CD44: variants seen among roughly 807,000 people sequenced by gnomAD.
CD44 encodes CD44 molecule (IN blood group).
Under a neutral mutation model 88.8 loss-of-function variants are expected in CD44, and 49 were observed. The ratio of observed to expected loss-of-function variants is 0.55; its 90% CI spans 0.44 to 0.70. The LOEUF is 0.70. Ranked by LOEUF, CD44 falls within the 30% of genes least tolerant of loss-of-function variation. The pLI is 0.00. For synonymous variants in CD44, 325 were observed against 312.3 expected (o/e 1.04, Z -0.43); for missense variants, 883 against 913.8 (o/e 0.97, Z 0.43).
intron 1 of CD44, among the ~76,000 whole-genome samples, chr11:35,161,608 T>C (rs534306199): frequency 8.5e-5 from 13 of 152,320 alleles, no homozygotes; most frequent in South Asian, 2.1e-4. Context: ...GAATTTTTTC[T>C]GGTCAAGACT....
chr11:35,184,488 C>G (rs950366721), intron 3 of CD44, among the ~76,000 whole-genome samples: 11 of 152,176 alleles, frequency 7.2e-5, no homozygotes, highest in African/African-American at 2.7e-4. Flanking sequence ...AGAAGCATCT[C>G]ATAGGTTGCG....
intron 1 of CD44, among the ~76,000 whole-genome samples, chr11:35,157,345 A>G (rs576095403): frequency 6.6e-6 from 1 of 151,560 alleles, no homozygotes. Context: ...CTATCTATCT[A>G]TCTATCTATC....
At chr11:35,224,224 T>A (rs557234882) in intron 17 of CD44, among the ~76,000 whole-genome samples, 1 of 152,336 alleles carries the variant, frequency 6.6e-6, no homozygotes, top group African/African-American at 2.4e-5. Flanking sequence ...GTCTTAAAGA[T>A]GCTGGGTTGG....
rs1361505818 is a variant in CD44 at position 35,229,843 on chromosome 11, G to C, written c.*510G>C. On this transcript the variant is annotated 3_prime_UTR_variant, in exon 18 of 18. Transcript: ENST00000428726. ...ACAGACCCCCTCTAGAAATTTTTCA[G>C]ATGCTTCTGGGAGACACCCAAAGGG... is the stretch of plus-strand genomic sequence containing the variant. 6.3e-6 allele frequency: 1 copy of C among 159,018 alleles called. No homozygotes were observed. Among genetic ancestry groups the C allele is most frequent in the East Asian group, 1.8e-4 (1 of 5,462 alleles). The allele number at this position is 159,018 out of a possible 1,614,324, so 9.9% of individuals were successfully genotyped here.
chr11:35,174,367 C>T (rs925462428), intron 1 of CD44, among the ~76,000 whole-genome samples: 1 of 152,116 alleles, frequency 6.6e-6, no homozygotes, highest in Non-Finnish European at 1.5e-5. Context: ...TGGTGCCTGG[C>T]CAGGCACTTG....
chr11:35,186,754 C>G lies in CD44; in HGVS notation c.368-78C>G. 9.6e-6 allele frequency: 8 copies of G among 832,754 alleles called. No individual in the cohort carries two copies. The South Asian group carries it at 1.1e-4, about 11-fold the overall frequency. 51.6% of individuals were successfully genotyped at this position (832,754 alleles called of 1,614,324 possible). A position where few individuals can be genotyped will look rare whatever the true frequency, so the allele number is the denominator to read the frequency against. ...GAATAAGTTATAGTAAAACTCCATTCTAACTGACTAATAAAAATGAGGGTA... is the reference window on the plus strand; with the variant it reads ...GAATAAGTTATAGTAAAACTCCATTGTAACTGACTAATAAAAATGAGGGTA... On this transcript the variant is annotated intron_variant, in intron 3 of 17. Coordinates refer to ENST00000428726, the MANE Select transcript of CD44 (RefSeq NM_000610.4).
intron 1 of CD44, among the ~76,000 whole-genome samples, chr11:35,157,091 G>A (rs12280381): frequency 0.11 from 16,919 of 152,176 alleles, 1,150 homozygotes; most frequent in African/African-American, 0.18. Context: ...AACCTCTATC[G>A]AGACAGTGAC....
intron 1 of CD44, among the ~76,000 whole-genome samples, chr11:35,146,028 C>A (rs1859081273): frequency 6.9e-6 from 1 of 144,132 alleles, no homozygotes; most frequent in African/African-American, 2.6e-5. Flanking sequence ...ACCTGAGAGA[C>A]AGGGAGACAA....
intron 2 of CD44, 21 bp downstream of exon 2, chr11:35,176,761 C>T: frequency 2.5e-6 from 4 of 1,606,902 alleles, no homozygotes; most frequent in Non-Finnish European, 3.4e-6. Context: ...AGCACCCGAC[C>T]ACTGGGGAAA....
chr11:35,208,699 G>A (rs755891871), intron 12 of CD44, among the ~76,000 whole-genome samples: 4 of 152,086 alleles, frequency 2.6e-5, no homozygotes, highest in Non-Finnish European at 4.4e-5. Flanking sequence ...CAAAGGTGGC[G>A]GGATCCCTGG....
At chr11:35,198,925 A>C (rs1236175390) in intron 7 of CD44, among the ~76,000 whole-genome samples, 1 of 148,520 alleles carries the variant, frequency 6.7e-6, no homozygotes, top group Non-Finnish European at 1.5e-5. Context: ...GCGCCACTGC[A>C]CTCCAGCACT....
At chr11:35,171,180 C>A (rs1943839385) in intron 1 of CD44, among the ~76,000 whole-genome samples, 1 of 152,168 alleles carries the variant, frequency 6.6e-6, no homozygotes, top group East Asian at 1.9e-4. Flanking sequence ...TCAAGGAAAC[C>A]TGATGAAATG....
chr11:35,227,694 G>A (rs768133360), intron 17 of CD44, among the ~76,000 whole-genome samples: 24 of 152,178 alleles, frequency 1.6e-4, no homozygotes, highest in Non-Finnish European at 2.9e-4. Flanking sequence ...AGTCCTACAG[G>A]GAATGGTCCA....
At chr11:35,226,880 C>CTTTTTTTTTT (rs367551052) in intron 17 of CD44, among the ~76,000 whole-genome samples, 1 of 106,210 alleles carries the variant, frequency 9.4e-6, no homozygotes, top group Non-Finnish European at 1.8e-5. Flanking sequence ...TTCTTTTTTC[C>CTTTTTTTTTT]TTTTTTTTTT....
At chr11:35,178,358 C>T (rs1356161600) in intron 2 of CD44, among the ~76,000 whole-genome samples, 2 of 152,226 alleles carry the variant, frequency 1.3e-5, no homozygotes, top group Admixed American at 6.5e-5. Flanking sequence ...AAACCCCTCA[C>T]TTAATCCTCA....
chr11:35,152,173 C>G (rs939639880), intron 1 of CD44, among the ~76,000 whole-genome samples: 1 of 152,320 alleles, frequency 6.6e-6, no homozygotes, highest in African/African-American at 2.4e-5. Context: ...AAACAGCAGC[C>G]ACATTCCATG....
intron 1 of CD44, among the ~76,000 whole-genome samples, chr11:35,166,175 A>T (rs530642651): frequency 6.6e-6 from 1 of 152,214 alleles, no homozygotes; most frequent in Non-Finnish European, 1.5e-5. Flanking sequence ...TGCTAAATCA[A>T]TAAGATCCGA....
chr11:35,182,759 C>G (rs186295962), intron 3 of CD44, among the ~76,000 whole-genome samples: 12 of 152,334 alleles, frequency 7.9e-5, no homozygotes, highest in African/African-American at 2.4e-4. Context: ...AGGCTATACA[C>G]TCCTGAGTCT....
At chr11:35,163,222 C>A (rs76725835) in intron 1 of CD44, among the ~76,000 whole-genome samples, 1 of 151,594 alleles carries the variant, frequency 6.6e-6, no homozygotes, top group Non-Finnish European at 1.5e-5. Context: ...CTATTGGCCA[C>A]CAAGTGCCAA....
Sources: gnomAD v4.1 joint callset for allele counts (sites outside exome capture counted in the v4.1 genomes callset) on GRCh38, gnomAD v4.1.1 for gene constraint, MANE v1.5 for transcripts, NCBI Gene and HGNC (gene_info 2026-07-23, HGNC 2026-07-21) for gene names.